SGIP1: variants seen among roughly 807,000 people sequenced by gnomAD.
SGIP1 encodes SH3-containing GRB2-like protein 3-interacting protein 1.
SGIP1 carries 38 observed loss-of-function variants against 107.5 expected under a neutral mutation model. The observed-to-expected ratio is 0.35, with a 90% CI of 0.27 to 0.46. SGIP1 has a LOEUF of 0.46. SGIP1 is among the 20% of genes least tolerant of loss of function. The pLI, the probability that SGIP1 is intolerant of heterozygous loss-of-function variation, is 1.00. For synonymous variants in SGIP1, 365 were observed against 366.1 expected, an observed-to-expected ratio of 1.00 and a Z score of 0.03; for missense variants, 929 against 1,019.5, an observed-to-expected ratio of 0.91 and a Z score of 1.21.
intron 4 of SGIP1, among the ~76,000 whole-genome samples, chr1:66,638,611 T>C (rs994577122): frequency 2.0e-5 from 3 of 152,148 alleles, no homozygotes; most frequent in African/African-American, 7.2e-5. Flanking sequence ...CATTATCTAT[T>C]TCTTGTGCAT....
At chr1:66,669,761 T>A (rs2083364031) in intron 9 of SGIP1, among the ~76,000 whole-genome samples, 2 of 151,972 alleles carry the variant, frequency 1.3e-5, no homozygotes, top group Non-Finnish European at 2.9e-5. Context: ...GAAAATGTAG[T>A]TTGAGAGATT....
At chr1:66,547,588 T>C (rs1244868300) in intron 1 of SGIP1, among the ~76,000 whole-genome samples, 2 of 152,124 alleles carry the variant, frequency 1.3e-5, no homozygotes, top group African/African-American at 4.8e-5. Flanking sequence ...TTGATCAAAT[T>C]TTAACTAAGA....
intron 1 of SGIP1, among the ~76,000 whole-genome samples, chr1:66,546,957 G>A (rs1328067728): frequency 2.0e-4 from 31 of 152,126 alleles, no homozygotes; most frequent in Admixed American, 2.0e-3. Flanking sequence ...TAAATTATAT[G>A]AGTGTTCCTG....
At chr1:66,648,711 C>T (rs1339480889) in intron 7 of SGIP1, among the ~76,000 whole-genome samples, 2 of 152,188 alleles carry the variant, frequency 1.3e-5, no homozygotes, top group Non-Finnish European at 2.9e-5. Flanking sequence ...TTATCACCTT[C>T]TTTTCCAAGT....
rs576499346 is a variant in SGIP1 at position 66,707,305 on chromosome 1, C to G, written c.1630+11812C>G. Among the ~76,000 whole-genome samples the G allele has an allele frequency of 3.3e-5, 5 of 152,268 alleles. No homozygotes were observed. The East Asian group carries it at 7.7e-4, about 24-fold the overall frequency. ...TAACCATCAGAAACTGAGCCTAAAT[C>G]TATTTCATATTCAGAATCTGCAGAC... On this transcript the variant is annotated intron_variant, in intron 18 of 24. Coordinates refer to ENST00000371037, the MANE Select transcript of SGIP1 (RefSeq NM_032291.4).
rs751341767 is a variant in SGIP1, at chr1:66,681,864, C to T, written c.815-5C>T. 3.4e-5 allele frequency: 55 copies of T among 1,606,136 alleles called. No individual in the cohort carries two copies. The highest frequency in any genetic ancestry group is 2.7e-4 in the East Asian group (12 of 44,764). ...AAAGTTTAAAATCAACTACTTTAAC[C>T]ACAGGAAATGACCAGTCAGCCACAG... is the stretch of plus-strand genomic sequence containing the variant. On this transcript the variant is annotated splice_region_variant and splice_polypyrimidine_tract_variant and intron_variant, in intron 14 of 24. Transcript: ENST00000371037.
chr1:66,699,820 GT>G (rs1249331831), intron 18 of SGIP1, among the ~76,000 whole-genome samples: 2 of 152,130 alleles, frequency 1.3e-5, no homozygotes, highest in Non-Finnish European at 2.9e-5. Flanking sequence ...TATGAATATT[GT>G]AATGAGTTCT....
intron 17 of SGIP1, among the ~76,000 whole-genome samples, chr1:66,692,226 C>T (rs961540883): frequency 2.0e-5 from 3 of 151,120 alleles, no homozygotes; most frequent in African/African-American, 7.3e-5. Flanking sequence ...TGTTTTTATA[C>T]TCCCTGCTGC....
At chr1:66,652,574 A>G (rs1045580059) in intron 7 of SGIP1, among the ~76,000 whole-genome samples, 4 of 152,158 alleles carry the variant, frequency 2.6e-5, no homozygotes, top group African/African-American at 9.7e-5. Flanking sequence ...AGGGGGAAAT[A>G]GCTTTGAACT....
intron 1 of SGIP1, among the ~76,000 whole-genome samples, chr1:66,578,218 C>A (rs1217981788): frequency 6.6e-6 from 1 of 150,780 alleles, no homozygotes; most frequent in Admixed American, 6.6e-5. Flanking sequence ...TATTCCTGAG[C>A]CCATCCCTGG....
chr1:66,698,560 A>T (rs2091375799), intron 18 of SGIP1, among the ~76,000 whole-genome samples: 1 of 151,916 alleles, frequency 6.6e-6, no homozygotes, highest in African/African-American at 2.4e-5. Context: ...TTGTATTTTT[A>T]GTAGGGATGG....
intron 19 of SGIP1, among the ~76,000 whole-genome samples, chr1:66,726,231 C>G (rs920284019): frequency 2.0e-5 from 3 of 152,196 alleles, no homozygotes; most frequent in African/African-American, 7.2e-5. Context: ...TGCAATGTCT[C>G]TCTAGCGCCC....
At position 66,666,372 on chromosome 1, in the gene SGIP1, T is replaced by G. The variant is rs1027408793; in HGVS notation, c.472-1158T>G. 6 of 178,160 alleles carry G rather than the reference T, an allele frequency of 3.4e-5. No homozygotes were observed. The Admixed American group carries it at 3.7e-4, about 11-fold the overall frequency. 11.0% of individuals were successfully genotyped at this position (178,160 alleles called of 1,614,324 possible). On this transcript the variant is annotated intron_variant, in intron 8 of 24. Coordinates refer to ENST00000371037, the MANE Select transcript of SGIP1 (RefSeq NM_032291.4). ...CAGCAGCATGCTGTTTTGGTTACTG[T>G]AGCCTTGTAGCATAGTTTAAAGTCA...
At chr1:66,729,570 A>G in intron 20 of SGIP1, 151 bp downstream of exon 20, 1 of 1,097,760 alleles carries the variant, frequency 9.1e-7, no homozygotes, top group East Asian at 2.6e-5. Context: ...AACTTTTACC[A>G]GCTATCAAAA....
chr1:66,638,730 AT>A (rs1316816266), intron 4 of SGIP1, among the ~76,000 whole-genome samples: 4 of 152,194 alleles, frequency 2.6e-5, no homozygotes. Flanking sequence ...ATGTGCACAC[AT>A]AAAAATCTAA....
intron 1 of SGIP1, among the ~76,000 whole-genome samples, chr1:66,612,457 A>G (rs1349091742): frequency 6.6e-6 from 1 of 152,258 alleles, no homozygotes; most frequent in African/African-American, 2.4e-5. Flanking sequence ...CTGTATTAAC[A>G]AAGGAAGAGA....
chr1:66,574,075 C>T (rs1156470715), intron 1 of SGIP1, among the ~76,000 whole-genome samples: 2 of 152,096 alleles, frequency 1.3e-5, no homozygotes, highest in African/African-American at 2.4e-5. Flanking sequence ...CATAACAATC[C>T]AATGCAGGTA....
intron 1 of SGIP1, among the ~76,000 whole-genome samples, chr1:66,616,716 T>C (rs943102687): frequency 2.6e-5 from 4 of 152,210 alleles, no homozygotes; most frequent in African/African-American, 4.8e-5. Flanking sequence ...TACATTAATA[T>C]TGGCACAGCA....
chr1:66,659,637 C>T (rs192286052), intron 7 of SGIP1, among the ~76,000 whole-genome samples: 16 of 152,180 alleles, frequency 1.1e-4, no homozygotes, highest in Admixed American at 6.5e-5. Flanking sequence ...AGGCCAGGCA[C>T]GGTGGTTTAC....
Sources: gnomAD v4.1 joint callset for allele counts (sites outside exome capture counted in the v4.1 genomes callset) on GRCh38, gnomAD v4.1.1 for gene constraint, MANE v1.5 for transcripts, NCBI Gene and HGNC (gene_info 2026-07-23, HGNC 2026-07-21) for gene names.